The following GPC5 variants were observed in gnomAD, a reference collection of about 807,000 sequenced individuals.
GPC5 encodes glypican-5.
A neutral mutation model predicts 53.9 loss-of-function variants in GPC5; 47 were observed. The ratio of observed to expected loss-of-function variants is 0.87; its 90% CI spans 0.69 to 1.11. GPC5 has a LOEUF of 1.11. GPC5 is among the 50% of genes most tolerant of loss of function. The pLI is 0.00. For missense variants in GPC5, 748 were observed against 713.1 expected, an observed-to-expected ratio of 1.05 and a Z score of -0.56; for synonymous variants, 286 against 263.3, an observed-to-expected ratio of 1.09 and a Z score of -0.84.
At chr13:92,350,427 A>G (rs2043466383) in intron 7 of GPC5, among the ~76,000 whole-genome samples, 1 of 152,192 alleles carries the variant, frequency 6.6e-6, no homozygotes, top group Non-Finnish European at 1.5e-5. Context: ...GCTAAGTAAA[A>G]CAAGGTAGGC....
chr13:91,456,490 T>A (rs1260654258), intron 2 of GPC5, among the ~76,000 whole-genome samples: 1 of 152,010 alleles, frequency 6.6e-6, no homozygotes, highest in Non-Finnish European at 1.5e-5. Flanking sequence ...GTTAATAATT[T>A]TTTTAAGATC....
At chr13:92,284,979 A>G (rs185839110) in intron 7 of GPC5, among the ~76,000 whole-genome samples, 2 of 152,174 alleles carry the variant, frequency 1.3e-5, no homozygotes, top group Non-Finnish European at 2.9e-5. Context: ...ACATGATTGT[A>G]TATCTAGATA....
chr13:91,826,280 T>C (rs866971067), intron 5 of GPC5, among the ~76,000 whole-genome samples: 13 of 152,222 alleles, frequency 8.5e-5, no homozygotes, highest in Middle Eastern at 3.4e-3. Flanking sequence ...TATGTTTTCA[T>C]TGGAAGAACA....
At chr13:91,677,614 G>C (rs1166871350) in intron 2 of GPC5, among the ~76,000 whole-genome samples, 1 of 152,008 alleles carries the variant, frequency 6.6e-6, no homozygotes, top group Admixed American at 6.6e-5. Context: ...CAAGCACTTT[G>C]ATCTTGCCCT....
intron 6 of GPC5, among the ~76,000 whole-genome samples, chr13:92,070,854 A>G (rs772392915): frequency 4.6e-5 from 7 of 152,016 alleles, no homozygotes. Flanking sequence ...TGTATTGTTT[A>G]GTTTATCACA....
rs146539827 is a variant in GPC5 at position 92,229,138 on chromosome 13, CA to C, written c.1561+84150del. ...TAATTTAAAAATTATAATAACCCTA[CA>C]TTAGGCTCTGAGGAAAGGGGAAGTG... On this transcript the variant is annotated intron_variant, in intron 7 of 7. Coordinates refer to ENST00000377067, the MANE Select transcript of GPC5 (RefSeq NM_004466.6). Among the ~76,000 whole-genome samples the C allele has an allele frequency of 6.1e-3, 925 of 152,138 alleles. 9 individuals carry two copies. The highest frequency in any genetic ancestry group is 0.021 in the African/African-American group (886 of 41,538).
intron 7 of GPC5, among the ~76,000 whole-genome samples, chr13:92,393,204 G>A (rs1215308075): frequency 6.6e-6 from 1 of 151,990 alleles, no homozygotes; most frequent in Admixed American, 6.5e-5. Flanking sequence ...ATACACCACA[G>A]AATACTATGC....
intron 5 of GPC5, among the ~76,000 whole-genome samples, chr13:91,805,112 A>G (rs1211174498): frequency 6.6e-6 from 1 of 152,146 alleles, no homozygotes; most frequent in Non-Finnish European, 1.5e-5. Context: ...TGACTTGAAA[A>G]CAATGACAGG....
chr13:91,679,258 C>T (rs1594419316), intron 2 of GPC5, among the ~76,000 whole-genome samples: 2 of 152,144 alleles, frequency 1.3e-5, no homozygotes, highest in Admixed American at 6.6e-5. Flanking sequence ...TATACAGGTG[C>T]CATGAGAACA....
chr13:92,508,175 G>T (rs1464039977), intron 7 of GPC5, among the ~76,000 whole-genome samples: 2 of 152,086 alleles, frequency 1.3e-5, no homozygotes, highest in African/African-American at 4.8e-5. Flanking sequence ...TGTTGGCCAG[G>T]ATGGTCTTGA....
intron 7 of GPC5, among the ~76,000 whole-genome samples, chr13:92,468,243 C>A (rs754354900): frequency 2.6e-5 from 4 of 152,098 alleles, no homozygotes; most frequent in African/African-American, 4.8e-5. Flanking sequence ...AAAGCTATTG[C>A]TTCCCTTCAA....
intron 2 of GPC5, among the ~76,000 whole-genome samples, chr13:91,564,411 T>C (rs2031431721): frequency 6.6e-6 from 1 of 152,176 alleles, no homozygotes; most frequent in Non-Finnish European, 1.5e-5. Flanking sequence ...CTCGTCTCTT[T>C]AATTCTGTAT....
chr13:92,360,705 A>T (rs994010786), intron 7 of GPC5, among the ~76,000 whole-genome samples: 1 of 151,728 alleles, frequency 6.6e-6, no homozygotes, highest in Admixed American at 6.6e-5. Flanking sequence ...TTTGCAAATG[A>T]TATGATTCTA....
chr13:92,068,670 AAT>A (rs1243034636), intron 6 of GPC5, among the ~76,000 whole-genome samples: 1 of 151,592 alleles, frequency 6.6e-6, no homozygotes, highest in Non-Finnish European at 1.5e-5. Flanking sequence ...CATATTAAAA[AAT>A]ATTTTCTGTA....
intron 7 of GPC5, among the ~76,000 whole-genome samples, chr13:92,209,035 G>A (rs533669662): frequency 6.6e-6 from 1 of 152,270 alleles, no homozygotes; most frequent in Non-Finnish European, 1.5e-5. Flanking sequence ...AATGTTAGCA[G>A]CTACATTGAG....
In GPC5 at chr13:91,693,485, C is replaced by T. The variant is rs1222071547; in HGVS notation, c.624C>T (p.Pro208=). Residue 208 remains proline (P), a synonymous_variant, in exon 3 of 8, where the codon CCC becomes CCT. Transcript: ENST00000377067. The stretch of plus-strand genomic sequence containing the variant: ...ATGTGAGTCCATTTGGTAATATTCC[C>T]CAAAGAGTAATGGGACAGATGGGGA... ...RRDVSPFGNI[P]QRVMGQMGRS... 3.1e-6 allele frequency: 5 copies of T among 1,614,066 alleles called. No individual in the cohort carries two copies. The highest frequency in any genetic ancestry group is 4.2e-6 in the Non-Finnish European group (5 of 1,180,010).
At chr13:92,123,302 G>A (rs933743438) in intron 6 of GPC5, among the ~76,000 whole-genome samples, 64 of 152,060 alleles carry the variant, frequency 4.2e-4, no homozygotes, top group African/African-American at 1.5e-3. Flanking sequence ...GTTACTTTGG[G>A]AGGCTGAAGC....
intron 3 of GPC5, among the ~76,000 whole-genome samples, chr13:91,727,478 T>C (rs1392663158): frequency 6.6e-6 from 1 of 152,218 alleles, no homozygotes; most frequent in Non-Finnish European, 1.5e-5. Context: ...GGAGAAACTT[T>C]AGTTACTCAT....
chr13:91,939,109 A>G (rs1171073894), intron 6 of GPC5, among the ~76,000 whole-genome samples: 2 of 151,988 alleles, frequency 1.3e-5, no homozygotes, highest in African/African-American at 4.8e-5. Context: ...TGATCAATAT[A>G]TATTTATATA....
Sources: allele counts gnomAD v4.1 joint callset (sites outside exome capture counted in the v4.1 genomes callset), GRCh38; gene constraint gnomAD v4.1.1; transcripts MANE v1.5; gene names NCBI Gene and HGNC (gene_info 2026-07-23, HGNC 2026-07-21).